RALGAPA2: variants seen among roughly 807,000 people sequenced by gnomAD.
RALGAPA2 encodes the protein ral GTPase-activating protein subunit alpha-2.
A neutral mutation model predicts 230.4 loss-of-function variants in RALGAPA2; 139 were observed. That is an observed-to-expected ratio of 0.60 (90% CI 0.53 to 0.69). The LOEUF (loss-of-function observed/expected upper bound fraction) is 0.69, where lower values mean the gene tolerates loss of function less well. Among genes scored for constraint, RALGAPA2 ranks in the 30% least tolerant of loss-of-function variants. The probability of loss-of-function intolerance (pLI) is 0.00; values close to 1 mark genes in which losing one functional copy is unlikely to be tolerated. For missense variants in RALGAPA2, 2,163 were observed against 2,276.0 expected (o/e 0.95, Z 1.01); for synonymous variants, 847 against 837.8 (o/e 1.01, Z -0.19).
In RALGAPA2 at chr20:20,521,015, T is replaced by C; in HGVS notation, c.3986A>G (p.Asp1329Gly). The C allele has an allele frequency of 6.2e-7, 1 of 1,613,934 alleles. No individual in the cohort carries two copies. The highest frequency in any genetic ancestry group is 1.1e-5 in the South Asian group (1 of 91,080). Residue 1329 changes from aspartate (D) to glycine (G), a missense_variant, in exon 31 of 40, where the codon GAT becomes GGT. Coordinates refer to ENST00000202677, the MANE Select transcript of RALGAPA2 (RefSeq NM_020343.4). ...TGCCAGTGGCAGGAAGGGGTCATAA[T>C]CCGTGGATGACAAGTCAGCCAGGGT... ...ILTLADLSST[D>G]YDPFLPLANV...
intron 8 of RALGAPA2, among the ~76,000 whole-genome samples, chr20:20,636,030 T>A (rs1344904648): frequency 6.6e-6 from 1 of 152,242 alleles, no homozygotes; most frequent in African/African-American, 2.4e-5. Context: ...TTTTAACATC[T>A]AACACTGCAG....
At chr20:20,660,656 A>C (rs2146669528) in intron 3 of RALGAPA2, among the ~76,000 whole-genome samples, 1 of 152,270 alleles carries the variant, frequency 6.6e-6, no homozygotes, top group Non-Finnish European at 1.5e-5. Flanking sequence ...TAAAGCTTGA[A>C]AGTTTTGTAT....
At chr20:20,505,097 A>T in intron 34 of RALGAPA2, 1 of 985,430 alleles carries the variant, frequency 1.0e-6, no homozygotes, top group Non-Finnish European at 1.2e-6. Context: ...GGCCAAAGCC[A>T]TTGCTTCTCT....
At chr20:20,581,330 C>T (rs2064977341) in intron 20 of RALGAPA2, among the ~76,000 whole-genome samples, 2 of 152,166 alleles carry the variant, frequency 1.3e-5, no homozygotes, top group South Asian at 4.1e-4. Context: ...ATTCAACCTA[C>T]TGAAGCTTCA....
chr20:20,660,942 T>C (rs1456867468), intron 3 of RALGAPA2, among the ~76,000 whole-genome samples: 3 of 152,146 alleles, frequency 2.0e-5, no homozygotes, highest in African/African-American at 7.2e-5. Flanking sequence ...AAATGCAGGG[T>C]CTGTCATTTT....
chr20:20,667,711 C>T lies in RALGAPA2; in HGVS notation c.270+8525G>A, dbSNP rs145701108. 2.9e-3 allele frequency among the ~76,000 whole-genome samples: 447 copies of T among 152,306 alleles called. 3 individuals carry two copies. The highest frequency in any genetic ancestry group is 9.4e-3 in the African/African-American group (392 of 41,556). ...CGGGTGAGAAAGAGACATGGTGCAT[C>T]ATCCTGGAGTGCACTGAAACTGTTT... On this transcript the variant is annotated intron_variant, in intron 3 of 39. Coordinates refer to ENST00000202677, the MANE Select transcript of RALGAPA2 (RefSeq NM_020343.4).
At chr20:20,408,431 C>A (rs1277095672) in intron 38 of RALGAPA2, among the ~76,000 whole-genome samples, 1 of 152,190 alleles carries the variant, frequency 6.6e-6, no homozygotes, top group East Asian at 1.9e-4. Context: ...AATCTCAGGT[C>A]CAATGTAAAG....
At chr20:20,522,340 T>C (rs1360164860) in intron 30 of RALGAPA2, among the ~76,000 whole-genome samples, 1 of 151,658 alleles carries the variant, frequency 6.6e-6, no homozygotes, top group East Asian at 1.9e-4. Flanking sequence ...AATGTATAAA[T>C]ACATTGTGGT....
At chr20:20,590,427 C>T (rs2065253802) in intron 17 of RALGAPA2, among the ~76,000 whole-genome samples, 1 of 152,162 alleles carries the variant, frequency 6.6e-6, no homozygotes, top group Non-Finnish European at 1.5e-5. Context: ...TAATTCCCTA[C>T]TCATCTGATG....
At chr20:20,517,764 T>C (rs1030073316) in intron 31 of RALGAPA2, among the ~76,000 whole-genome samples, 3 of 145,982 alleles carry the variant, frequency 2.1e-5, no homozygotes, top group African/African-American at 5.1e-5. Flanking sequence ...AATTAGGCTA[T>C]AATAAACTAT....
At chr20:20,683,899 A>G (rs1054102617) in intron 1 of RALGAPA2, among the ~76,000 whole-genome samples, 3 of 152,176 alleles carry the variant, frequency 2.0e-5, no homozygotes, top group Admixed American at 6.5e-5. Context: ...CTATAACCAG[A>G]TGGACCCTCA....
At position 20,450,695 on chromosome 20, in the gene RALGAPA2, T is replaced by C. The variant is rs142797295; in HGVS notation, c.5495+22134A>G. On this transcript the variant is annotated intron_variant, in intron 37 of 39. Transcript: ENST00000202677. ...AACACAGTCCCATTCTGCAGGGTTG[T>C]CGCCAAGAGTGAGAATAATGGTCCA... is the stretch of plus-strand genomic sequence containing the variant. Among the ~76,000 whole-genome samples the C allele has an allele frequency of 7.2e-5, 11 of 152,154 alleles. No homozygotes were observed. In the East Asian group the frequency reaches 2.1e-3, roughly 29 times the overall value.
At chr20:20,574,151 T>A (rs1239137831) in intron 20 of RALGAPA2, among the ~76,000 whole-genome samples, 1 of 152,202 alleles carries the variant, frequency 6.6e-6, no homozygotes, top group Non-Finnish European at 1.5e-5. Context: ...CTTATAGGCA[T>A]GCAGCAGTAT....
rs569538716 is a variant in RALGAPA2, at chr20:20,433,511, TA to T, written c.5496-21364del. 1.2e-3 allele frequency among the ~76,000 whole-genome samples: 182 copies of T among 152,346 alleles called. 1 individual carries two copies. Among genetic ancestry groups the T allele is most frequent in the African/African-American group, 4.1e-3 (171 of 41,586 alleles). Reference sequence around the variant, plus strand: ...GAAAACAGGAATAAGCTCTTTGATGTAAGGTATCAATACAAATGCAACCTAA... The same window carrying T: ...GAAAACAGGAATAAGCTCTTTGATGTAGGTATCAATACAAATGCAACCTAA... On this transcript the variant is annotated intron_variant, in intron 37 of 39. Coordinates refer to ENST00000202677, the MANE Select transcript of RALGAPA2 (RefSeq NM_020343.4).
At chr20:20,460,557 C>T (rs144077004) in intron 37 of RALGAPA2, among the ~76,000 whole-genome samples, 231 of 152,278 alleles carry the variant, frequency 1.5e-3, no homozygotes, top group African/African-American at 5.4e-3. Context: ...CAAGACTTGA[C>T]CATAAGGGTC....
intron 38 of RALGAPA2, among the ~76,000 whole-genome samples, chr20:20,404,210 T>C (rs1412303565): frequency 1.3e-5 from 2 of 152,220 alleles, no homozygotes; most frequent in African/African-American, 2.4e-5. Flanking sequence ...GCTGTAAATA[T>C]GTAAAGTTAC....
At chr20:20,527,786 G>A (rs771295612) in intron 27 of RALGAPA2, among the ~76,000 whole-genome samples, 27 of 152,286 alleles carry the variant, frequency 1.8e-4, no homozygotes, top group Non-Finnish European at 2.6e-4. Context: ...AAGGATGTGC[G>A]TGGTGTGCCT....
rs781627907 is a variant in RALGAPA2, at chr20:20,571,810, G to A, written c.3000+38C>T. On this transcript the variant is annotated intron_variant, in intron 22 of 39. Transcript: ENST00000202677. ...TCAAACTCAATTTCAGAAAGGAAGAGGAAATCGCAATAAAGGAATAAACAC... is the reference window on the plus strand; with the variant it reads ...TCAAACTCAATTTCAGAAAGGAAGAAGAAATCGCAATAAAGGAATAAACAC... The A allele has an allele frequency of 7.1e-6, 11 of 1,544,136 alleles. No individual in the cohort carries two copies. In the East Asian group the frequency reaches 2.5e-4, roughly 35 times the overall value.
At chr20:20,430,190 C>A (rs2060472791) in intron 37 of RALGAPA2, among the ~76,000 whole-genome samples, 1 of 152,254 alleles carries the variant, frequency 6.6e-6, no homozygotes, top group South Asian at 2.1e-4. Flanking sequence ...ACAGCAGCAG[C>A]TGCTGGACCT....
Sources: allele counts gnomAD v4.1 joint callset (sites outside exome capture counted in the v4.1 genomes callset), GRCh38; gene constraint gnomAD v4.1.1; transcripts MANE v1.5; gene names NCBI Gene and HGNC (gene_info 2026-07-23, HGNC 2026-07-21).